SAXO1: variants seen among roughly 807,000 people sequenced by gnomAD.
SAXO1 encodes the protein 4930500O09Rik.
A neutral mutation model predicts 17.5 loss-of-function variants in SAXO1; 21 were observed. The ratio of observed to expected loss-of-function variants is 1.20; its 90% confidence interval spans 0.85 to 1.72. The LOEUF is 1.72. Among genes scored for constraint, SAXO1 ranks in the 40% most tolerant of loss-of-function variants. The probability of loss-of-function intolerance (pLI) is 0.00; values close to 1 mark genes in which losing one functional copy is unlikely to be tolerated. For missense variants in SAXO1, 843 were observed against 596.0 expected (o/e 1.41, Z -4.32); for synonymous variants, 274 against 216.5 (o/e 1.27, Z -2.33).
intron 1 of SAXO1, among the ~76,000 whole-genome samples, chr9:19,015,989 G>GT (rs1563982958): frequency 6.6e-6 from 1 of 152,110 alleles, no homozygotes; most frequent in Non-Finnish European, 1.5e-5. Flanking sequence ...CAGCTCTCCA[G>GT]TTGATTCTCA....
At chr9:19,040,599 G>C (rs1588576245) in intron 1 of SAXO1, among the ~76,000 whole-genome samples, 1 of 151,928 alleles carries the variant, frequency 6.6e-6, no homozygotes, top group East Asian at 1.9e-4. Context: ...AGCCAAGATG[G>C]CGCCACTGCA....
chr9:18,938,832 G>GTGTGTGTA (rs1554667872), intron 3 of SAXO1, among the ~76,000 whole-genome samples: 4 of 149,768 alleles, frequency 2.7e-5, no homozygotes, highest in African/African-American at 9.8e-5. Context: ...GTGTGTGTGT[G>GTGTGTGTA]TGTGTGTGTG....
chr9:19,026,766 C>T, intron 1 of SAXO1: 1 of 433,720 alleles, frequency 2.3e-6, no homozygotes, highest in Non-Finnish European at 4.3e-6. Flanking sequence ...CGTGGTAGCT[C>T]ACACCTGTAG....
intron 1 of SAXO1, among the ~76,000 whole-genome samples, chr9:19,005,887 G>T (rs1392724065): frequency 2.0e-5 from 3 of 152,150 alleles, no homozygotes; most frequent in Non-Finnish European, 2.9e-5. Flanking sequence ...TCCAGAATAT[G>T]TAAGAATTCC....
At chr9:18,936,794 T>A (rs537943804) in intron 3 of SAXO1, among the ~76,000 whole-genome samples, 1 of 152,300 alleles carries the variant, frequency 6.6e-6, no homozygotes, top group South Asian at 2.1e-4. Context: ...ATCAAGTAAT[T>A]ACACTCTCAA....
rs766008561 is a variant in SAXO1, at chr9:18,928,680, A to G, written c.797T>C (p.Met266Thr). The change falls in exon 4 of 4, where the codon ATG becomes ACG. Residue 266 changes from methionine to threonine, a missense_variant. Met to Thr is a moderately conservative substitution (Grantham distance 81). Coordinates refer to ENST00000380534, the MANE Select transcript of SAXO1 (RefSeq NM_153707.4). ...AAACTCAGTGGTGTTACAGAAAGGC[A>G]TGTCTAGCCCAGGAGGCCTGGCTAG... is the stretch of plus-strand genomic sequence containing the variant. ...KPLARPPGLD[M>T]PFCNTTEFRD... 6.2e-7 allele frequency: 1 copy of G among 1,614,122 alleles called. No homozygotes were observed.
At chr9:19,046,996 G>C (rs1836232846) in intron 1 of SAXO1, among the ~76,000 whole-genome samples, 1 of 152,228 alleles carries the variant, frequency 6.6e-6, no homozygotes, top group Non-Finnish European at 1.5e-5. Flanking sequence ...AGACCAGCCT[G>C]GCCAACATGG....
chr9:19,028,029 G>C, intron 1 of SAXO1: 4 of 1,608,994 alleles, frequency 2.5e-6, no homozygotes, highest in Non-Finnish European at 3.4e-6. Flanking sequence ...AGGCGGGTAT[G>C]ATCGCACTGC....
intron 1 of SAXO1, among the ~76,000 whole-genome samples, chr9:19,013,278 T>A (rs1014054330): frequency 6.6e-6 from 1 of 152,166 alleles, no homozygotes; most frequent in Non-Finnish European, 1.5e-5. Context: ...TGCCTAAAGA[T>A]CTTCACCACT....
chr9:18,992,050 G>A (rs1407838787), intron 1 of SAXO1, among the ~76,000 whole-genome samples: 17 of 152,148 alleles, frequency 1.1e-4, no homozygotes, highest in Admixed American at 1.1e-3. Context: ...TTAATCCTCA[G>A]AACCCCCCAA....
chr9:19,023,866 C>A (rs1016796031), intron 1 of SAXO1, among the ~76,000 whole-genome samples: 1 of 151,858 alleles, frequency 6.6e-6, no homozygotes, highest in Non-Finnish European at 1.5e-5. Flanking sequence ...CAAAGGGGGC[C>A]AGGCACAGTA....
chr9:18,979,986 G>T lies in SAXO1; in HGVS notation c.39-29049C>A, dbSNP rs182406477. 3.9e-5 allele frequency among the ~76,000 whole-genome samples: 6 copies of T among 152,326 alleles called. No individual in the cohort carries two copies. The East Asian group carries it at 9.7e-4, about 25-fold the overall frequency. On this transcript the variant is annotated intron_variant, in intron 1 of 3. Transcript: ENST00000380534. Reference sequence around the variant, plus strand: ...GGGACTTAGTGACAGACTGTACTGGGCAAGTGAAAGGAAGGGAAACAGAGC... The same window carrying T: ...GGGACTTAGTGACAGACTGTACTGGTCAAGTGAAAGGAAGGGAAACAGAGC...
At position 19,049,325 on chromosome 9, in the gene SAXO1, A is replaced by C; in HGVS notation, c.-274T>G. 1 of 240,318 alleles carries C rather than the reference A, an allele frequency of 4.2e-6. No homozygotes were observed. The allele number at this position is 240,318 out of a possible 1,614,324, so 14.9% of individuals were successfully genotyped here. ...GTTTCATTAGAGCAGCGGCTTTTCA[A>C]GGCTCGTCGGGCACGGAGGGCGGAG... On this transcript the variant is annotated 5_prime_UTR_variant, in exon 1 of 4. Transcript: ENST00000542071. The surrounding 1 kb of genome is among the most constrained non-coding windows in gnomAD (Gnocchi z 5.4).
intron 1 of SAXO1, among the ~76,000 whole-genome samples, chr9:19,048,325 C>T (rs375385670): frequency 7.2e-5 from 11 of 152,246 alleles, no homozygotes; most frequent in African/African-American, 2.6e-4. Flanking sequence ...GGCGTGGTGG[C>T]AGGTGCCCAC....
intron 1 of SAXO1, among the ~76,000 whole-genome samples, chr9:19,018,831 C>A (rs903926176): frequency 6.6e-6 from 1 of 152,244 alleles, no homozygotes; most frequent in African/African-American, 2.4e-5. Flanking sequence ...CTTCTTATGC[C>A]GGGCATGGTG....
intron 1 of SAXO1, among the ~76,000 whole-genome samples, chr9:19,001,876 G>C (rs1834285928): frequency 6.6e-6 from 1 of 151,760 alleles, no homozygotes; most frequent in Non-Finnish European, 1.5e-5. Context: ...GCTAGCAAAG[G>C]CAAGAAATAA....
intron 1 of SAXO1, among the ~76,000 whole-genome samples, chr9:18,965,420 G>C (rs1832674851): frequency 1.3e-5 from 2 of 152,180 alleles, no homozygotes; most frequent in Non-Finnish European, 2.9e-5. Context: ...CTTGCTTTAT[G>C]AATCTGGGTG....
At chr9:19,013,924 C>G (rs554439767) in intron 1 of SAXO1, among the ~76,000 whole-genome samples, 88 of 152,228 alleles carry the variant, frequency 5.8e-4, no homozygotes, top group South Asian at 1.0e-3. Context: ...AGCAGGCACC[C>G]AGTTCGTGAG....
At chr9:19,043,799 C>T (rs1054165099) in intron 1 of SAXO1, among the ~76,000 whole-genome samples, 1 of 151,276 alleles carries the variant, frequency 6.6e-6, no homozygotes, top group African/African-American at 2.4e-5. Context: ...TTTGATAGCA[C>T]AACAGGATAA....
Sources: allele counts gnomAD v4.1 joint callset (sites outside exome capture counted in the v4.1 genomes callset), GRCh38; gene constraint gnomAD v4.1.1; non-coding constraint Gnocchi (gnomAD v3.1); transcripts MANE v1.5; gene names NCBI Gene and HGNC (gene_info 2026-07-23, HGNC 2026-07-21).